The following C14orf39 variants were observed in gnomAD, a reference collection of about 807,000 sequenced individuals.
The protein encoded by C14orf39 is protein SIX6OS1.
C14orf39 carries 66 observed loss-of-function variants against 85.6 expected under a neutral mutation model. The observed-to-expected ratio is 0.77, with a 90% CI of 0.63 to 0.95. The LOEUF is 0.95. Ranked by LOEUF, C14orf39 falls within the 40% of genes least tolerant of loss-of-function variation. C14orf39 has a pLI of 0.00. For synonymous variants in C14orf39, 242 were observed against 214.0 expected, an observed-to-expected ratio of 1.13 and a Z score of -1.14; for missense variants, 735 against 663.9, an observed-to-expected ratio of 1.11 and a Z score of -1.18.
chr14:60,484,863 T>A lies in C14orf39; in HGVS notation c.106+18A>T. ...GAATTAAAAGACTAAAATATCTTGATCATGCAAAGCTACTTACTATTAATT... is the reference window on the plus strand; with the variant it reads ...GAATTAAAAGACTAAAATATCTTGAACATGCAAAGCTACTTACTATTAATT... On this transcript the variant is annotated intron_variant, in intron 3 of 17. Coordinates refer to ENST00000321731, the MANE Select transcript of C14orf39 (RefSeq NM_174978.3). The surrounding 1 kb of genome is among the most constrained non-coding windows in gnomAD (Gnocchi z 4.2). The A allele has an allele frequency of 4.6e-6, 7 of 1,528,732 alleles. No individual in the cohort carries two copies. Among genetic ancestry groups the A allele is most frequent in the Non-Finnish European group, 6.3e-6 (7 of 1,118,276 alleles). The allele number at this position is 1,528,732 out of a possible 1,614,324, so 94.7% of individuals were successfully genotyped here.
intron 2 of C14orf39, chr14:60,494,135 AG>A: frequency 3.1e-6 from 1 of 318,428 alleles, no homozygotes. Context: ...CATTCATCAA[AG>A]GGGCCAGAAT....
chr14:60,485,152 G>T, intron 1 of C14orf39, 66 bp from the exon 2 acceptor site: 8 of 1,339,078 alleles, frequency 6.0e-6, no homozygotes, highest in Non-Finnish European at 8.3e-6. Flanking sequence ...GATATATTTC[G>T]TAACGACCTT....
chr14:60,507,901 A>G (rs993114476), intron 1 of C14orf39, among the ~76,000 whole-genome samples: 2 of 152,092 alleles, frequency 1.3e-5, no homozygotes, highest in Non-Finnish European at 2.9e-5. Flanking sequence ...TTTTCTTCAA[A>G]CTAAACAAAC....
At chr14:60,477,579 G>A (rs1456442244) in intron 5 of C14orf39, among the ~76,000 whole-genome samples, 8 of 152,102 alleles carry the variant, frequency 5.3e-5, no homozygotes, top group Non-Finnish European at 8.8e-5. Flanking sequence ...TTCTCTATTA[G>A]AATATAACCA....
chr14:60,511,142 G>A (rs745524344), intron 1 of C14orf39: 2 of 1,612,878 alleles, frequency 1.2e-6, no homozygotes, highest in South Asian at 1.1e-5. Context: ...GGAGGGCGAC[G>A]GCACGCCAGA....
chr14:60,445,353 A>G (rs987233381), intron 16 of C14orf39, among the ~76,000 whole-genome samples: 1 of 152,232 alleles, frequency 6.6e-6, no homozygotes, highest in Non-Finnish European at 1.5e-5. Context: ...TAGGCTCAAA[A>G]CAAAGAGATG....
At chr14:60,457,810 C>T (rs1278571112) in intron 14 of C14orf39, among the ~76,000 whole-genome samples, 1 of 151,870 alleles carries the variant, frequency 6.6e-6, no homozygotes, top group Non-Finnish European at 1.5e-5. Flanking sequence ...TAAAGTGTTC[C>T]ACTATTTAAA....
At chr14:60,513,962 A>G (rs530184969) in intron 1 of C14orf39, among the ~76,000 whole-genome samples, 1 of 152,354 alleles carries the variant, frequency 6.6e-6, no homozygotes, top group South Asian at 2.1e-4. Context: ...CTGTTTCAAC[A>G]ATCTGGATAT....
chr14:60,471,503 T>G lies in C14orf39; in HGVS notation c.512-44A>C, dbSNP rs200886454. The G allele has an allele frequency of 8.9e-6, 14 of 1,575,384 alleles. No individual in the cohort carries two copies. In the Admixed American group the frequency reaches 2.4e-4, roughly 27 times the overall value. On this transcript the variant is annotated intron_variant, in intron 6 of 17. Coordinates refer to ENST00000321731, the MANE Select transcript of C14orf39 (RefSeq NM_174978.3). Reference sequence around the variant, plus strand: ...GCATAAGCTGATTATTATATTCTTTTCATTACAAAGATATCATAATTAAAA... The same window carrying G: ...GCATAAGCTGATTATTATATTCTTTGCATTACAAAGATATCATAATTAAAA...
At chr14:60,487,727 C>T (rs1392422481), upstream of C14orf39, among the ~76,000 whole-genome samples, 1 of 152,154 alleles carries the variant, frequency 6.6e-6, no homozygotes, top group African/African-American at 2.4e-5. Flanking sequence ...ATGGCGGTAC[C>T]CATTTGCATT....
intron 16 of C14orf39, among the ~76,000 whole-genome samples, chr14:60,450,220 T>C (rs1890969766): frequency 6.6e-6 from 1 of 152,190 alleles, no homozygotes; most frequent in South Asian, 2.1e-4. Flanking sequence ...AAGCATGATC[T>C]TGGGGTCCCT....
chr14:60,482,641 A>G (rs922410506), intron 4 of C14orf39, among the ~76,000 whole-genome samples: 2 of 152,186 alleles, frequency 1.3e-5, no homozygotes, highest in Non-Finnish European at 2.9e-5. Context: ...ATAGATCTCT[A>G]TATGTGGAAG....
rs771738665 is a variant in C14orf39 at position 60,466,950 on chromosome 14, T to C, written c.862A>G (p.Ile288Val). ...CTTGGTTCTGAAGAATGCATCTTTATTGGTCTTACTAATTTCTGAGATTCA... is the reference window on the plus strand; with the variant it reads ...CTTGGTTCTGAAGAATGCATCTTTACTGGTCTTACTAATTTCTGAGATTCA... ...PYESQKLVRP[I>V]KMHSSEPRVA... The change falls in exon 10 of 18, where the codon ATA becomes GTA. Residue 288 changes from isoleucine to valine, a missense_variant. Ile to Val is a conservative substitution (Grantham distance 29). Coordinates refer to ENST00000321731, the MANE Select transcript of C14orf39 (RefSeq NM_174978.3). The C allele has an allele frequency of 2.7e-6, 4 of 1,476,256 alleles. No homozygotes were observed. Among genetic ancestry groups the C allele is most frequent in the African/African-American group, 2.9e-5 (2 of 68,422 alleles). The allele number at this position is 1,476,256 out of a possible 1,614,324, so 91.4% of individuals were successfully genotyped here.
rs1415402755 is a variant in C14orf39 at position 60,471,457 on chromosome 14, G to A, written c.514C>T (p.Pro172Ser). Residue 172 changes from proline to serine, a missense_variant and splice_region_variant, in exon 7 of 18, where the codon CCT becomes TCT. Coordinates refer to ENST00000321731, the MANE Select transcript of C14orf39 (RefSeq NM_174978.3). ...TTAGTAAGTGATGGAAAGGGAGCAG[G>A]CACTGAAAAATAAAGTCACAGCATA... The part of the protein sequence containing the change: ...NETIFMKFRV[P>S]APFPSLTKWT... 1 of 1,599,914 alleles carries A rather than the reference G, an allele frequency of 6.3e-7. No homozygotes were observed. The highest frequency in any genetic ancestry group is 8.5e-7 in the Non-Finnish European group (1 of 1,173,208).
chr14:60,474,341 T>A (rs1892259523), intron 5 of C14orf39, among the ~76,000 whole-genome samples: 1 of 151,152 alleles, frequency 6.6e-6, no homozygotes, highest in African/African-American at 2.4e-5. Flanking sequence ...TCATGTCATC[T>A]GCAAACAGGG....
At chr14:60,467,539 CAG>C (rs1891854620) in intron 9 of C14orf39, among the ~76,000 whole-genome samples, 1 of 151,744 alleles carries the variant, frequency 6.6e-6, no homozygotes, top group African/African-American at 2.4e-5. Context: ...ATAGAATAAA[CAG>C]TGTCAGAATA....
At chr14:60,441,959 G>GTAAC (rs1890534864) in intron 17 of C14orf39, 115 bp downstream of exon 17, 2 of 684,502 alleles carry the variant, frequency 2.9e-6, no homozygotes, top group Admixed American at 2.4e-5. Flanking sequence ...TAGTGCAGAA[G>GTAAC]TAACAGTAAT....
chr14:60,440,520 C>A (rs1185879595), intron 17 of C14orf39, among the ~76,000 whole-genome samples: 4 of 152,196 alleles, frequency 2.6e-5, no homozygotes, highest in African/African-American at 9.7e-5. Context: ...TACTACTACT[C>A]ATCAATTCTC....
chr14:60,455,003 G>C lies in C14orf39; in HGVS notation c.1501C>G (p.Gln501Glu). The change falls in exon 16 of 18, where the codon CAG becomes GAG. Residue 501 changes from glutamine to glutamate, a missense_variant and splice_region_variant. Coordinates refer to ENST00000321731, the MANE Select transcript of C14orf39 (RefSeq NM_174978.3). ...SVFDTEISSD[Q>E]FNEHYSARNL... Reference sequence around the variant, plus strand: ...AAACTTTTGGCTTCTCATATTACCTGATCTGATGAGATTTCTGTATCAAAT... The same window carrying C: ...AAACTTTTGGCTTCTCATATTACCTCATCTGATGAGATTTCTGTATCAAAT... 1 of 1,538,556 alleles carries C rather than the reference G, an allele frequency of 6.5e-7. No homozygotes were observed. The highest frequency in any genetic ancestry group is 8.7e-7 in the Non-Finnish European group (1 of 1,153,182).
Sources: gnomAD v4.1 joint callset for allele counts (sites outside exome capture counted in the v4.1 genomes callset) on GRCh38, gnomAD v4.1.1 for gene constraint, Gnocchi (gnomAD v3.1) non-coding constraint, MANE v1.5 for transcripts, NCBI Gene and HGNC (gene_info 2026-07-23, HGNC 2026-07-21) for gene names.